PCDH20: variants seen among roughly 807,000 people sequenced by gnomAD.
PCDH20 encodes the protein protocadherin 20.
PCDH20 carries 18 observed loss-of-function variants against 39.7 expected under a neutral mutation model. The ratio of observed to expected loss-of-function variants is 0.45; its 90% CI spans 0.31 to 0.67. The LOEUF (loss-of-function observed/expected upper bound fraction) is 0.67, where lower values mean the gene tolerates loss of function less well. PCDH20 is among the 30% of genes least tolerant of loss of function. The pLI is 0.05. For synonymous variants in PCDH20, 495 were observed against 455.4 expected, an observed-to-expected ratio of 1.09 and a Z score of -1.11; for missense variants, 1,161 against 1,167.4, an observed-to-expected ratio of 0.99 and a Z score of 0.08.
chr13:61,415,013 A>G lies in PCDH20; in HGVS notation c.132+14T>C. 1.4e-6 allele frequency: 2 copies of G among 1,437,666 alleles called. No homozygotes were observed. The highest frequency in any genetic ancestry group is 1.8e-6 in the Non-Finnish European group (2 of 1,081,892). The allele number at this position is 1,437,666 out of a possible 1,614,324, so 89.1% of individuals were successfully genotyped here. A position where few individuals can be genotyped will look rare whatever the true frequency, so the allele number is the denominator to read the frequency against. On this transcript the variant is annotated intron_variant, in intron 1 of 1. Coordinates refer to ENST00000409204, the Ensembl canonical transcript of PCDH20. ...CTTGTCGGGGTCGCGGGGTTCCTTGACCCTAACCCTTACCGGCAGGTTCCT... is the reference window on the plus strand; with the variant it reads ...CTTGTCGGGGTCGCGGGGTTCCTTGGCCCTAACCCTTACCGGCAGGTTCCT...
chr13:61,413,114 C>G (rs749378307), exon 2 of PCDH20: 1 of 1,614,216 alleles, frequency 6.2e-7, no homozygotes, highest in South Asian at 1.1e-5. Flanking sequence ...TTCCCATACA[C>G]AGTGACATTG....
exon 2 of PCDH20, chr13:61,412,303 C>T (rs753042731): frequency 1.4e-5 from 23 of 1,613,930 alleles, no homozygotes; most frequent in Admixed American, 5.0e-5. Context: ...TTTCTCTTCT[C>T]GGTCCAGCTG....
Position 61,412,687 on chromosome 13 carries a change from C to T in PCDH20, c.1412G>A (p.Gly471Asp), listed in dbSNP as rs766903951. The change falls in exon 2 of 2, where the codon GGT (glycine) becomes GAT (aspartate). Residue 471 changes from glycine to aspartate, a missense_variant. Coordinates refer to ENST00000409204, the Ensembl canonical transcript of PCDH20. ...AGGTGATAACCTAAACGGCCCTTCA[C>T]CATCCAGGTAGCAGTTAACCTTGTA... The T allele has an allele frequency of 3.7e-5, 59 of 1,614,010 alleles. 1 individual carries two copies. The Admixed American group carries it at 9.5e-4, about 26-fold the overall frequency.
In PCDH20 at chr13:61,415,455, C is replaced by A. The variant is rs3829389; in HGVS notation, c.-297G>T. ...ACAGTAGCGCTTACCTACCAGCCTC[C>A]TTCCTTGCCGCACCAGTCAGATGCC... is the stretch of plus-strand genomic sequence containing the variant. On this transcript the variant is annotated 5_prime_UTR_variant, in exon 1 of 2. It adds an upstream start codon to the 5' untranslated region. Coordinates refer to ENST00000409204, the Ensembl canonical transcript of PCDH20. The A allele has an allele frequency of 1.5e-4, 44 of 288,216 alleles. No homozygotes were observed. The highest frequency in any genetic ancestry group is 2.6e-4 in the Admixed American group (5 of 19,248). The allele number at this position is 288,216 out of a possible 1,614,324, so 17.9% of individuals were successfully genotyped here. A position where few individuals can be genotyped will look rare whatever the true frequency, so the allele number is the denominator to read the frequency against.
At chr13:61,412,985 G>A (rs770352424) in exon 2 of PCDH20, 3 of 1,614,170 alleles carry the variant, frequency 1.9e-6, no homozygotes, top group Non-Finnish European at 2.5e-6. Context: ...TCATCCAGGT[G>A]AAATAAATCC....
exon 2 of PCDH20, chr13:61,410,677 C>A (rs7996071): frequency 0.97 from 148,628 of 152,686 alleles, 72,462 homozygotes; most frequent in East Asian, 1. Flanking sequence ...TTCTCTTTCA[C>A]ACTATATATG....
rs991900215 is a variant in PCDH20 at position 61,415,347 on chromosome 13, G to A, written c.-189C>T. 3.6e-5 allele frequency: 22 copies of A among 605,580 alleles called. No individual in the cohort carries two copies. In the East Asian group the frequency reaches 6.7e-4, roughly 19 times the overall value. The allele number at this position is 605,580 out of a possible 1,614,324, so 37.5% of individuals were successfully genotyped here. On this transcript the variant is annotated 5_prime_UTR_variant, in exon 1 of 2. Coordinates refer to ENST00000409204, the Ensembl canonical transcript of PCDH20. ...ACATTCATGGTTTCCTGCCCCGGAC[G>A]CAGGTAACTCCATACTCTGCCAGAG...
At chr13:61,412,773 T>C (rs1566222814) in exon 2 of PCDH20, 1 of 1,614,176 alleles carries the variant, frequency 6.2e-7, no homozygotes, top group East Asian at 2.2e-5. Context: ...GTTCCAGTTC[T>C]TTCAGATAAA....
chr13:61,415,054 C>G lies in PCDH20; in HGVS notation c.105G>C (p.Arg35Ser), dbSNP rs1370379096. 1.9e-6 allele frequency: 3 copies of G among 1,562,138 alleles called. No homozygotes were observed. The East Asian group carries it at 7.3e-5, about 38-fold the overall frequency. ...GCAGGTTCCTGTAGCTGGTGCTGCT[C>G]CTGGGACGATGTAGACGCCCCATAT... is the stretch of plus-strand genomic sequence containing the variant. The change falls in exon 1 of 2, where the codon AGG becomes AGC. Residue 35 changes from arginine (R) to serine (S), a missense_variant. By Grantham distance (110) the Arg-to-Ser change is moderately radical (BLOSUM62 -1). Around this residue, in one of 3 missense-constraint regions of PCDH20, gnomAD observed 401 missense variants for 368.7 expected, o/e 1.09. Coordinates refer to ENST00000409204, the Ensembl canonical transcript of PCDH20.
chr13:61,410,383 AC>A (rs1248447673), exon 2 of PCDH20: 1 of 152,194 alleles, frequency 6.6e-6, no homozygotes, highest in Non-Finnish European at 1.5e-5. Flanking sequence ...TTGTGAAAGC[AC>A]TAAAATGTCA....
At chr13:61,412,800 G>C in exon 2 of PCDH20, 1 of 1,613,992 alleles carries the variant, frequency 6.2e-7, no homozygotes, top group East Asian at 2.2e-5. Flanking sequence ...CATCTATCTC[G>C]TTTGCTATGT....
At chr13:61,415,559 A>T (rs1468297480), upstream of PCDH20, 1 of 155,420 alleles carries the variant, frequency 6.4e-6, no homozygotes, top group Non-Finnish European at 1.4e-5. Flanking sequence ...TGTAACAGAG[A>T]GAGGAAGTCG....
chr13:61,413,341 T>C, exon 2 of PCDH20: 2 of 1,614,062 alleles, frequency 1.2e-6, no homozygotes, highest in Non-Finnish European at 1.7e-6. Context: ...GAACATACCA[T>C]GGTAGTCCAG....
chr13:61,412,121 C>G, exon 2 of PCDH20: 1 of 1,614,124 alleles, frequency 6.2e-7, no homozygotes. Context: ...ACACTAATTA[C>G]TCCAATCTCA....
At chr13:61,415,096 G>T (rs1180256960) in exon 1 of PCDH20, 1 of 1,565,250 alleles carries the variant, frequency 6.4e-7, no homozygotes, top group South Asian at 1.2e-5. Context: ...GCGGGTGCCA[G>T]GTCGCCGGGC....
chr13:61,413,348 C>A (rs138957659), exon 2 of PCDH20: 23 of 1,613,908 alleles, frequency 1.4e-5, no homozygotes, highest in South Asian at 3.3e-5. Context: ...CCATGGTAGT[C>A]CAGTAAGCGA....
In PCDH20 at chr13:61,412,671, C is replaced by T. The variant is rs1333357744; in HGVS notation, c.1428G>A (p.Arg476=). The T allele has an allele frequency of 2.5e-6, 4 of 1,613,958 alleles. No homozygotes were observed. In the Admixed American group the frequency reaches 6.7e-5, roughly 27 times the overall value. Reference sequence around the variant, plus strand: ...TATTGTATGGTTTGTAAGGTGATAACCTAAACGGCCCTTCACCATCCAGGT... The same window carrying T: ...TATTGTATGGTTTGTAAGGTGATAATCTAAACGGCCCTTCACCATCCAGGT... The change falls in exon 2 of 2, where the codon AGG becomes AGA. Residue 476 remains arginine (R), a synonymous_variant. Coordinates refer to ENST00000409204, the Ensembl canonical transcript of PCDH20.
exon 2 of PCDH20, chr13:61,412,830 G>A (rs1425163485): frequency 6.2e-7 from 1 of 1,613,944 alleles, no homozygotes; most frequent in African/African-American, 1.3e-5. Context: ...CAATTTCAGG[G>A]GGTCTGAAAA....
At chr13:61,414,995 G>T in intron 1 of PCDH20, 32 bp downstream of exon 1, 1 of 1,388,302 alleles carries the variant, frequency 7.2e-7, no homozygotes, top group East Asian at 2.8e-5. Flanking sequence ...CAACTTGTCG[G>T]GGTCGCGGGG....
Sources: gnomAD v4.1 joint callset for allele counts on GRCh38, gnomAD v4.1.1 for gene constraint, gnomAD v4.1.1 regional missense constraint, MANE v1.5 for transcripts, NCBI Gene and HGNC (gene_info 2026-07-23, HGNC 2026-07-21) for gene names.